Variants in PLEKHG4B observed in about 807,000 individuals in gnomAD.
PLEKHG4B encodes pleckstrin homology and RhoGEF domain containing G4B, also known as pleckstrin homology domain-containing family G member 4B.
PLEKHG4B carries 111 observed loss-of-function variants against 121.3 expected under a neutral mutation model. That is an observed-to-expected ratio of 0.92 (90% CI 0.78 to 1.07). PLEKHG4B has a LOEUF of 1.07. PLEKHG4B is among the 50% of genes least tolerant of loss of function. PLEKHG4B has a pLI of 0.00. For synonymous variants in PLEKHG4B, 738 were observed against 725.0 expected, an observed-to-expected ratio of 1.02 and a Z score of -0.29; for missense variants, 1,831 against 1,757.8, an observed-to-expected ratio of 1.04 and a Z score of -0.74.
In PLEKHG4B at chr5:143,257, G is replaced by C; in HGVS notation, c.1687+1G>C. 2 of 1,609,910 alleles carry C rather than the reference G, an allele frequency of 1.2e-6. No individual in the cohort carries two copies. Among genetic ancestry groups the C allele is most frequent in the Non-Finnish European group, 1.7e-6 (2 of 1,179,936 alleles). On this transcript the variant is annotated splice_donor_variant, in intron 4 of 19. Transcript: ENST00000637938. LOFTEE classifies it high-confidence loss of function. Reference sequence around the variant, plus strand: ...CAGTCCGGGGTCGTCACCCTCCCAGGTGAGAGCACATGCCAGGCTCTCCTG... The same window carrying C: ...CAGTCCGGGGTCGTCACCCTCCCAGCTGAGAGCACATGCCAGGCTCTCCTG...
chr5:143,156 AGG>A lies in PLEKHG4B; in HGVS notation c.1589_1590del (p.Gly530ValfsTer61). 1 of 1,612,470 alleles carries A rather than the reference AGG, an allele frequency of 6.2e-7. No individual in the cohort carries two copies. ...CCCGGCAGCCACACCCCGAGCAAGA[AGG>A]GTGGCCACCCGGCACAGGAGACTTC... The part of the protein sequence containing the change: ...PARQPHPEQE[G>X]WPPGTGDFPS... On this transcript the variant is annotated frameshift_variant, in exon 4 of 20. Coordinates refer to ENST00000637938, the MANE Select transcript of PLEKHG4B (RefSeq NM_052909.5). LOFTEE classifies it high-confidence loss of function.
At chr5:134,774 A>AG (rs1734900540) in intron 2 of PLEKHG4B, among the ~76,000 whole-genome samples, 1 of 148,826 alleles carries the variant, frequency 6.7e-6, no homozygotes, top group African/African-American at 2.6e-5. Flanking sequence ...TCAAAAAAAA[A>AG]AAAAAAAGAA....
chr5:131,134 A>C (rs997061503), intron 2 of PLEKHG4B, among the ~76,000 whole-genome samples: 16 of 117,106 alleles, frequency 1.4e-4, no homozygotes, highest in African/African-American at 6.8e-4. Context: ...TTTTTACTTT[A>C]AATTCTAGGG....
chr5:162,466 A>G (rs1736048007), intron 12 of PLEKHG4B, among the ~76,000 whole-genome samples: 1 of 152,196 alleles, frequency 6.6e-6, no homozygotes, highest in South Asian at 2.1e-4. Context: ...GATCTACACA[A>G]TGTCTTCACG....
Position 146,906 on chromosome 5 carries a change from G to A in PLEKHG4B, c.1905+1986G>A, listed in dbSNP as rs550656406. 6.6e-5 allele frequency among the ~76,000 whole-genome samples: 10 copies of A among 151,778 alleles called. 1 individual carries two copies. The highest frequency in any genetic ancestry group is 2.1e-4 in the South Asian group (1 of 4,798). ...TGGTTTCTTCTTACTTTCGCAGTACGTGGCTCTTCTTAGAAAATGTCAGTG... is the reference window on the plus strand; with the variant it reads ...TGGTTTCTTCTTACTTTCGCAGTACATGGCTCTTCTTAGAAAATGTCAGTG... On this transcript the variant is annotated intron_variant, in intron 6 of 19. Coordinates refer to ENST00000637938, the MANE Select transcript of PLEKHG4B (RefSeq NM_052909.5).
rs1295585311 is a variant in PLEKHG4B at position 182,729 on chromosome 5, G to T, written c.*406G>T. The T allele has an allele frequency of 8.6e-6, 2 of 232,310 alleles. No homozygotes were observed. 14.4% of individuals were successfully genotyped at this position (232,310 alleles called of 1,614,324 possible). On this transcript the variant is annotated 3_prime_UTR_variant, in exon 20 of 20. Coordinates refer to ENST00000637938, the MANE Select transcript of PLEKHG4B (RefSeq NM_052909.5). ...CCTCCCTCCGCCTTGAGAGTTTGCA[G>T]GCCTCAGTGCAGGGAGGGGCCCAGG...
intron 19 of PLEKHG4B, 36 bp downstream of exon 19, chr5:181,711 A>G: frequency 6.3e-7 from 1 of 1,596,494 alleles, no homozygotes; most frequent in South Asian, 1.1e-5. Context: ...CTCACCCTGC[A>G]GAGGGCACTG....
At chr5:101,033 GT>G (rs1733791151) in intron 1 of PLEKHG4B, among the ~76,000 whole-genome samples, 2 of 71,756 alleles carry the variant, frequency 2.8e-5, no homozygotes, top group Non-Finnish European at 4.9e-5. Context: ...CCTGGAAAAA[GT>G]CTGTAGGGGA....
chr5:180,035 C>A (rs997885629), intron 18 of PLEKHG4B, among the ~76,000 whole-genome samples: 2 of 152,172 alleles, frequency 1.3e-5, no homozygotes, highest in Admixed American at 6.5e-5. Context: ...ACGTCCAAAC[C>A]TTTATCTCGT....
rs533486485 is a variant in PLEKHG4B at position 141,622 on chromosome 5, G to A, written c.1477+906G>A. ...GGAGGCCACATTCACAGTTTCCAAGGGTTAGGAGAGAAAATGTGATGATTT... is the reference window on the plus strand; with the variant it reads ...GGAGGCCACATTCACAGTTTCCAAGAGTTAGGAGAGAAAATGTGATGATTT... On this transcript the variant is annotated intron_variant, in intron 3 of 19. Coordinates refer to ENST00000637938, the MANE Select transcript of PLEKHG4B (RefSeq NM_052909.5). Among the ~76,000 whole-genome samples, 3 of 151,974 alleles carry A rather than the reference G, an allele frequency of 2.0e-5. No homozygotes were observed. In the East Asian group the frequency reaches 5.9e-4, roughly 30 times the overall value.
chr5:155,478 T>C, intron 9 of PLEKHG4B, 35 bp downstream of exon 9: 1 of 1,536,240 alleles, frequency 6.5e-7, no homozygotes, highest in Non-Finnish European at 9.0e-7. Context: ...GTTCATTTCA[T>C]GTGACAGGTA....
At chr5:178,491 GT>G (rs1377751093) in intron 18 of PLEKHG4B, among the ~76,000 whole-genome samples, 1 of 152,114 alleles carries the variant, frequency 6.6e-6, no homozygotes, top group Non-Finnish European at 1.5e-5. Flanking sequence ...TGAAAATTGT[GT>G]TTTTCAGATT....
chr5:151,604 T>C lies in PLEKHG4B; in HGVS notation c.1992+5T>C, dbSNP rs1218269824. The C allele has an allele frequency of 6.4e-7, 1 of 1,551,224 alleles. No homozygotes were observed. Among genetic ancestry groups the C allele is most frequent in the South Asian group, 1.1e-5 (1 of 87,548 alleles). ...GACAAGGATGCAATAATTCAGGTAA[T>C]GGTTTAGACTGTGGGATCCTGAGTG... On this transcript the variant is annotated splice_donor_5th_base_variant and intron_variant, in intron 7 of 19. Coordinates refer to ENST00000637938, the MANE Select transcript of PLEKHG4B (RefSeq NM_052909.5).
chr5:163,149 T>A lies in PLEKHG4B; in HGVS notation c.3077T>A (p.Leu1026Gln). 6.4e-7 allele frequency: 1 copy of A among 1,552,192 alleles called. No homozygotes were observed. The highest frequency in any genetic ancestry group is 8.7e-7 in the Non-Finnish European group (1 of 1,149,836). The change falls in exon 13 of 20, where the codon CTG (leucine) becomes CAG (glutamine). Residue 1026 changes from leucine (L) to glutamine (Q), a missense_variant. Transcript: ENST00000637938. ...ALLCGQDGET[L>Q]RPGLCALWDP... ...CTGTGTGGACAGGACGGGGAGACCC[T>A]GCGCCCAGGGCTGTGTGCTCTGTGG...
At chr5:117,242 A>G (rs544789912) in intron 2 of PLEKHG4B, among the ~76,000 whole-genome samples, 119 of 152,360 alleles carry the variant, frequency 7.8e-4, no homozygotes, top group African/African-American at 2.5e-3. Context: ...GTTCATCTCT[A>G]TAACAGGAGA....
In PLEKHG4B at chr5:139,848, C is replaced by T. The variant is rs1735098088; in HGVS notation, c.609C>T (p.Ser203=). The change falls in exon 3 of 20, where the codon AGC becomes AGT. Residue 203 remains serine, a synonymous_variant. Transcript: ENST00000637938. This position sits in a 1 kb window ranked among gnomAD's most constrained non-coding sequence, Gnocchi z 5.0. ...TCACTGACCCTGTCTTTGTCCCCAG[C>T]CCTGGAGCCATCCTGCAGAGCTACT... is the stretch of plus-strand genomic sequence containing the variant. The part of the protein sequence containing the change: ...SDVTDPVFVP[S]PGAILQSYSS... The T allele has an allele frequency of 2.5e-6, 1 of 399,338 alleles. No individual in the cohort carries two copies. The highest frequency in any genetic ancestry group is 4.4e-6 in the Non-Finnish European group (1 of 226,602). The allele number at this position is 399,338 out of a possible 1,614,324, so 24.7% of individuals were successfully genotyped here. A position where few individuals can be genotyped will look rare whatever the true frequency, so the allele number is the denominator to read the frequency against.
intron 13 of PLEKHG4B, among the ~76,000 whole-genome samples, chr5:164,995 G>C (rs1736251739): frequency 1.6e-5 from 1 of 62,684 alleles, no homozygotes; most frequent in Non-Finnish European, 3.7e-5. Flanking sequence ...CTAATGCTCT[G>C]ACGGGGCAGG....
intron 18 of PLEKHG4B, 90 bp from the exon 19 acceptor site, chr5:181,424 G>T (rs1733360143): frequency 7.3e-7 from 1 of 1,375,532 alleles, no homozygotes; most frequent in Non-Finnish European, 1.0e-6. Flanking sequence ...CTCCTGGTTT[G>T]GGCTGAGGGC....
intron 1 of PLEKHG4B, among the ~76,000 whole-genome samples, chr5:105,483 CT>C (rs1733951035): frequency 6.6e-6 from 1 of 152,236 alleles, no homozygotes; most frequent in Non-Finnish European, 1.5e-5. Flanking sequence ...TTTCAATCAT[CT>C]TGTCAATGGT....
Sources: gnomAD v4.1 joint callset for allele counts (sites outside exome capture counted in the v4.1 genomes callset) on GRCh38, gnomAD v4.1.1 for gene constraint, Gnocchi (gnomAD v3.1) non-coding constraint, MANE v1.5 for transcripts, NCBI Gene and HGNC (gene_info 2026-07-23, HGNC 2026-07-21) for gene names.